LGSN: variants seen among roughly 807,000 people sequenced by gnomAD.
LGSN encodes the protein lengsin, lens protein with glutamine synthetase domain, also known as lengsin.
In LGSN, 21 loss-of-function variants were observed where a neutral mutation model predicts 19.5. That is an observed-to-expected ratio of 1.07 (90% confidence interval 0.76 to 1.55). The LOEUF is 1.55. Ranked by LOEUF, LGSN falls within the 40% of genes most tolerant of loss-of-function variation. The pLI is 0.00. For synonymous variants in LGSN, 257 were observed against 215.6 expected (o/e 1.19, Z -1.68); for missense variants, 673 against 608.5 (o/e 1.11, Z -1.12).
the LGSN span, among the ~76,000 whole-genome samples, chr6:63,432,164 A>C: frequency 1.8e-5 from 2 of 109,512 alleles, no homozygotes; most frequent in African/African-American, 8.2e-5. Context: ...AAAGAAAGAA[A>C]GAAAGAAAAG....
intron 1 of LGSN, among the ~76,000 whole-genome samples, chr6:63,314,856 G>C (rs1015934068): frequency 1.3e-5 from 2 of 152,128 alleles, no homozygotes; most frequent in Admixed American, 6.6e-5. Context: ...AGGTTTTAAA[G>C]TTTAAAGTGA....
rs1268495529 is a variant in LGSN at position 63,280,545 on chromosome 6, G to T, written c.1006C>A (p.Gln336Lys). The T allele has an allele frequency of 6.2e-7, 1 of 1,613,968 alleles. No individual in the cohort carries two copies. Among genetic ancestry groups the T allele is most frequent in the Non-Finnish European group, 8.5e-7 (1 of 1,180,026 alleles). The change falls in exon 4 of 4, where the codon CAG becomes AAG. Residue 336 changes from glutamine to lysine, a missense_variant. Coordinates refer to ENST00000370657, the MANE Select transcript of LGSN (RefSeq NM_016571.3). ...NMFCSTSGTEQLTITGKKWLA... is the reference protein window; with the variant it reads ...NMFCSTSGTEKLTITGKKWLA... ...CATTTTTTCCCAGTGATCGTGAGCTGCTCAGTTCCAGAAGTGCTGCAGAAC... is the reference window on the plus strand; with the variant it reads ...CATTTTTTCCCAGTGATCGTGAGCTTCTCAGTTCCAGAAGTGCTGCAGAAC...
At chr6:63,556,232 T>C in the LGSN span, among the ~76,000 whole-genome samples, 1 of 152,034 alleles carries the variant, frequency 6.6e-6, no homozygotes, top group African/African-American at 2.4e-5. Context: ...CAATCACAGC[T>C]CACTGCAGCT....
At chr6:63,540,576 G>GCT in the LGSN span, among the ~76,000 whole-genome samples, 3 of 151,188 alleles carry the variant, frequency 2.0e-5, no homozygotes, top group South Asian at 6.3e-4. Flanking sequence ...AGCCAAGATT[G>GCT]CTCCACTCAC....
the LGSN span, among the ~76,000 whole-genome samples, chr6:63,412,755 G>T: frequency 0.016 from 838 of 52,560 alleles, 39 homozygotes; most frequent in Non-Finnish European, 0.022. Flanking sequence ...AAGAAAGAAA[G>T]AAAGAAAGAA....
the LGSN span, among the ~76,000 whole-genome samples, chr6:63,367,375 T>C: frequency 6.6e-6 from 1 of 151,992 alleles, no homozygotes; most frequent in Admixed American, 6.6e-5. Context: ...GAAATGCAAA[T>C]CAAAACCACA....
At chr6:63,352,169 TAC>T in the LGSN span, among the ~76,000 whole-genome samples, 1 of 152,244 alleles carries the variant, frequency 6.6e-6, no homozygotes, top group East Asian at 1.9e-4. Context: ...TGGCAACATC[TAC>T]ACAGACTTGT....
the LGSN span, among the ~76,000 whole-genome samples, chr6:63,521,093 G>T: frequency 6.6e-6 from 1 of 151,972 alleles, no homozygotes; most frequent in Non-Finnish European, 1.5e-5. Context: ...CGGGGTGGGG[G>T]AAAAGGGGAG....
In LGSN at chr6:63,276,519, A is replaced by T. The variant is rs1169711432; in HGVS notation, c.*3502T>A. On this transcript the variant is annotated 3_prime_UTR_variant, in exon 4 of 4. Coordinates refer to ENST00000370657, the MANE Select transcript of LGSN (RefSeq NM_016571.3). The stretch of plus-strand genomic sequence containing the variant: ...TTTTCCCCTAAGCTTTGATTAGAAC[A>T]ATTATAGTAAATGAAAATAAGAAAG... 6.6e-6 allele frequency: 1 copy of T among 152,220 alleles called. No individual in the cohort carries two copies. Among genetic ancestry groups the T allele is most frequent in the Non-Finnish European group, 1.5e-5 (1 of 68,036 alleles). 9.4% of individuals were successfully genotyped at this position (152,220 alleles called of 1,614,324 possible).
the LGSN span, among the ~76,000 whole-genome samples, chr6:63,525,729 G>A: frequency 6.6e-6 from 1 of 152,256 alleles, no homozygotes; most frequent in South Asian, 2.1e-4. Context: ...GGTAGCAGCT[G>A]CTTTCTGCAA....
At chr6:63,500,974 C>T in the LGSN span, among the ~76,000 whole-genome samples, 1 of 152,080 alleles carries the variant, frequency 6.6e-6, no homozygotes, top group East Asian at 1.9e-4. Flanking sequence ...GTGATCTGGC[C>T]CGGCTCAGCC....
At chr6:63,308,251 G>A (rs528762516) in intron 1 of LGSN, among the ~76,000 whole-genome samples, 2 of 152,024 alleles carry the variant, frequency 1.3e-5, no homozygotes, top group African/African-American at 4.8e-5. Flanking sequence ...TTCCACTATC[G>A]TTTCGTCAGA....
the LGSN span, among the ~76,000 whole-genome samples, chr6:63,384,232 G>T: frequency 3.3e-5 from 5 of 152,154 alleles, no homozygotes; most frequent in Admixed American, 2.6e-4. Flanking sequence ...CCAAGGAGGG[G>T]TTACCCCATT....
intron 1 of LGSN, among the ~76,000 whole-genome samples, chr6:63,314,443 G>C (rs1175863932): frequency 6.6e-6 from 1 of 152,136 alleles, no homozygotes; most frequent in African/African-American, 2.4e-5. Context: ...ACGGCAATTT[G>C]TTATATTAGC....
chr6:63,434,394 C>G, the LGSN span, among the ~76,000 whole-genome samples: 3 of 146,200 alleles, frequency 2.1e-5, no homozygotes, highest in South Asian at 6.4e-4. Flanking sequence ...GAGCCGAGAT[C>G]GCACCACTGC....
chr6:63,374,516 C>T, the LGSN span, among the ~76,000 whole-genome samples: 177 of 152,256 alleles, frequency 1.2e-3, no homozygotes, highest in African/African-American at 4.1e-3. Flanking sequence ...AAATACATCA[C>T]TTAGGATCAT....
chr6:63,452,162 G>C, the LGSN span, among the ~76,000 whole-genome samples: 3 of 151,374 alleles, frequency 2.0e-5, no homozygotes, highest in African/African-American at 7.3e-5. Flanking sequence ...TGGAGAATTA[G>C]TATTTTTTCT....
the LGSN span, among the ~76,000 whole-genome samples, chr6:63,336,909 A>G: frequency 2.1e-5 from 3 of 144,610 alleles, no homozygotes; most frequent in East Asian, 6.4e-4. Flanking sequence ...CCCAAAAATT[A>G]TGACATTCCT....
chr6:63,421,489 G>A, the LGSN span, among the ~76,000 whole-genome samples: 3 of 151,940 alleles, frequency 2.0e-5, no homozygotes, highest in Non-Finnish European at 4.4e-5. Flanking sequence ...CAGCACTTTG[G>A]GAGGCCGAGG....
Sources: allele counts gnomAD v4.1 joint callset (sites outside exome capture counted in the v4.1 genomes callset), GRCh38; gene constraint gnomAD v4.1.1; transcripts MANE v1.5; gene names NCBI Gene and HGNC (gene_info 2026-07-23, HGNC 2026-07-21).